KCNH4: variants seen among roughly 807,000 people sequenced by gnomAD.
KCNH4 encodes voltage-gated delayed rectifier potassium channel KCNH4.
In KCNH4, 33 loss-of-function variants were observed where a neutral mutation model predicts 90.7. The ratio of observed to expected loss-of-function variants is 0.36; its 90% CI spans 0.28 to 0.49. The LOEUF is 0.49. KCNH4 is among the 20% of genes least tolerant of loss of function. The probability of loss-of-function intolerance (pLI) is 0.98; values close to 1 mark genes in which losing one functional copy is unlikely to be tolerated. For missense variants in KCNH4, 1,044 were observed against 1,387.1 expected (o/e 0.75, Z 3.93); for synonymous variants, 551 against 581.7 (o/e 0.95, Z 0.76).
At chr17:42,164,635 T>G (rs946899315) in intron 11 of KCNH4, among the ~76,000 whole-genome samples, 4 of 150,600 alleles carry the variant, frequency 2.7e-5, no homozygotes, top group African/African-American at 9.8e-5. Context: ...AAACCCCATC[T>G]CTACTAAAAA....
In KCNH4 at chr17:42,166,373, A is replaced by G. The variant is rs751874823; in HGVS notation, c.1764T>C (p.Asp588=). The G allele has an allele frequency of 6.2e-7, 1 of 1,613,826 alleles. No individual in the cohort carries two copies. The highest frequency in any genetic ancestry group is 1.1e-5 in the South Asian group (1 of 91,066). Reference sequence around the variant, plus strand: ...AGACATAGTAATGTGCCTGCAGGGCATCCCCACGGCGCAACAGGTACTCGC... The same window carrying G: ...AGACATAGTAATGTGCCTGCAGGGCGTCCCCACGGCGCAACAGGTACTCGC... ...APGEYLLRRG[D]ALQAHYYVCS... The change falls in exon 10 of 17, where the codon GAT becomes GAC. Residue 588 remains aspartate (D), a synonymous_variant. Transcript: ENST00000264661.
At chr17:42,175,546 G>T (rs746047838) in intron 6 of KCNH4, 33 bp downstream of exon 6, 1 of 1,613,420 alleles carries the variant, frequency 6.2e-7, no homozygotes, top group Non-Finnish European at 8.5e-7. Context: ...AAGTTGGGAG[G>T]TTGGACTGGA....
chr17:42,163,156 C>T lies in KCNH4; in HGVS notation c.2584+72G>A. 4.7e-6 allele frequency: 5 copies of T among 1,056,062 alleles called. No individual in the cohort carries two copies. Among genetic ancestry groups the T allele is most frequent in the Non-Finnish European group, 4.4e-6 (3 of 675,156 alleles). The allele number at this position is 1,056,062 out of a possible 1,614,324, so 65.4% of individuals were successfully genotyped here. A position where few individuals can be genotyped will look rare whatever the true frequency, so the allele number is the denominator to read the frequency against. On this transcript the variant is annotated intron_variant, in intron 14 of 16. Coordinates refer to ENST00000264661, the MANE Select transcript of KCNH4 (RefSeq NM_012285.3). The surrounding 1 kb of genome is among the most constrained non-coding windows in gnomAD (Gnocchi z 5.4). ...GCACCTGGCACATGGTAGGCCCCTA[C>T]TACATATGGGATGGATGGACAGGTG...
At chr17:42,178,710 A>C in intron 2 of KCNH4, 83 bp downstream of exon 2, 1 of 1,292,154 alleles carries the variant, frequency 7.7e-7, no homozygotes, top group Non-Finnish European at 1.1e-6. Context: ...GGGGACAAGC[A>C]CTCAGACTCC....
Position 42,180,983 on chromosome 17 carries a change from G to A in KCNH4, c.-38C>T. The A allele has an allele frequency of 6.3e-7, 1 of 1,587,460 alleles. No homozygotes were observed. Among genetic ancestry groups the A allele is most frequent in the South Asian group, 1.1e-5 (1 of 89,596 alleles). On this transcript the variant is annotated 5_prime_UTR_variant, in exon 1 of 17. Coordinates refer to ENST00000264661, the MANE Select transcript of KCNH4 (RefSeq NM_012285.3). This position sits in a 1 kb window ranked among gnomAD's most constrained non-coding sequence, Gnocchi z 4.7. ...TGGGTTCAAGGCGCGGCGCTGGGGAGCTTTCAGCGCGGCCGGGCCGGAGGG... is the reference window on the plus strand; with the variant it reads ...TGGGTTCAAGGCGCGGCGCTGGGGAACTTTCAGCGCGGCCGGGCCGGAGGG...
intron 7 of KCNH4, among the ~76,000 whole-genome samples, chr17:42,171,550 A>G (rs1249862995): frequency 6.6e-6 from 1 of 151,946 alleles, no homozygotes; most frequent in Non-Finnish European, 1.5e-5. Context: ...TTGTACTTTG[A>G]TCACTATCAC....
intron 11 of KCNH4, 49 bp downstream of exon 11, chr17:42,165,400 T>A: frequency 3.1e-6 from 5 of 1,603,636 alleles, no homozygotes; most frequent in Non-Finnish European, 4.3e-6. Context: ...GAGGTCTGCT[T>A]TGGAGGAAGG....
chr17:42,163,944 G>A lies in KCNH4; in HGVS notation c.2139C>T (p.Ser713=), dbSNP rs909554889. 1.3e-6 allele frequency: 2 copies of A among 1,541,312 alleles called. No homozygotes were observed. The highest frequency in any genetic ancestry group is 1.7e-6 in the Non-Finnish European group (2 of 1,143,976). ...SPRLSQPRSE[S]LGSSSDKTLP... is the part of the protein sequence containing the mutation. Reference sequence around the variant, plus strand: ...GCGTCTTGTCTGAGGAGGAGCCGAGGCTTTCTGAGCGGGGCTGCGGGCAGA... The same window carrying A: ...GCGTCTTGTCTGAGGAGGAGCCGAGACTTTCTGAGCGGGGCTGCGGGCAGA... The change falls in exon 13 of 17, where the codon AGC becomes AGT. Residue 713 remains serine, a synonymous_variant. Coordinates refer to ENST00000264661, the MANE Select transcript of KCNH4 (RefSeq NM_012285.3). The surrounding 1 kb of genome is among the most constrained non-coding windows in gnomAD (Gnocchi z 5.4).
intron 10 of KCNH4, 99 bp from the exon 11 acceptor site, chr17:42,165,792 A>G (rs903807481): frequency 2.1e-6 from 3 of 1,442,582 alleles, no homozygotes; most frequent in African/African-American, 1.4e-5. Flanking sequence ...AGTGTGTTTG[A>G]AGGATGGTTG....
At position 42,163,231 on chromosome 17, in the gene KCNH4, T is replaced by A. The variant is rs2079760820; in HGVS notation, c.2581A>T (p.Thr861Ser). 6.2e-7 allele frequency: 1 copy of A among 1,610,918 alleles called. No homozygotes were observed. The highest frequency in any genetic ancestry group is 8.5e-7 in the Non-Finnish European group (1 of 1,177,158). Residue 861 changes from threonine (T) to serine (S), a missense_variant, in exon 14 of 17, where the codon ACA (threonine) becomes TCA (serine). Physicochemically the swap from Thr to Ser is moderately conservative, Grantham distance 58. Coordinates refer to ENST00000264661, the MANE Select transcript of KCNH4 (RefSeq NM_012285.3). This position sits in a 1 kb window ranked among gnomAD's most constrained non-coding sequence, Gnocchi z 5.4. ...LPRPRSQAPPTGTRPSPELAS... is the reference protein window; with the variant it reads ...LPRPRSQAPPSGTRPSPELAS... ...GAAGTCCACTGTTGGCCCTTACCTG[T>A]AGGGGGCGCCTGGGAGCGGGGCCTT...
Position 42,163,565 on chromosome 17 carries a change from C to T in KCNH4, c.2477+41G>A, listed in dbSNP as rs1287110911. On this transcript the variant is annotated intron_variant, in intron 13 of 16. Transcript: ENST00000264661. This position sits in a 1 kb window ranked among gnomAD's most constrained non-coding sequence, Gnocchi z 5.4. ...AGAGCCCAGAGAAGGTTCTGGAAGC[C>T]AATAGGGGTTTTGGGAAAGCAGGGG... 3 of 962,770 alleles carry T rather than the reference C, an allele frequency of 3.1e-6. No homozygotes were observed. Among genetic ancestry groups the T allele is most frequent in the Non-Finnish European group, 4.7e-6 (3 of 634,496 alleles). 59.6% of individuals were successfully genotyped at this position (962,770 alleles called of 1,614,324 possible).
intron 6 of KCNH4, among the ~76,000 whole-genome samples, chr17:42,173,478 C>T (rs987595986): frequency 9.9e-5 from 15 of 152,084 alleles, no homozygotes; most frequent in African/African-American, 3.6e-4. Context: ...TGGGGATACT[C>T]CTGTCATTCT....
chr17:42,177,990 AAGCCAAGGAGGG>A (rs1437076732), intron 4 of KCNH4, 98 bp downstream of exon 4: 2 of 1,427,860 alleles, frequency 1.4e-6, no homozygotes, highest in East Asian at 4.6e-5. Context: ...GCAGAGGAGC[AAGCCAAGGAGGG>A]ACACCAGACA....
rs2079895680 is a variant in KCNH4 at position 42,180,737 on chromosome 17, T to G, written c.76+133A>C. 1.1e-6 allele frequency: 1 copy of G among 893,484 alleles called. No individual in the cohort carries two copies. The highest frequency in any genetic ancestry group is 1.5e-5 in the South Asian group (1 of 65,116). 55.3% of individuals were successfully genotyped at this position (893,484 alleles called of 1,614,324 possible). On this transcript the variant is annotated intron_variant, in intron 1 of 16. Coordinates refer to ENST00000264661, the MANE Select transcript of KCNH4 (RefSeq NM_012285.3). The surrounding 1 kb of genome is among the most constrained non-coding windows in gnomAD (Gnocchi z 4.7). ...CCGCCCTGTTCCTGCACCGCGGCTT[T>G]GGGAGTTCCTAGACCCGCACCTCCA...
At position 42,176,205 on chromosome 17, in the gene KCNH4, C is replaced by T. The variant is rs1473443146; in HGVS notation, c.678G>A (p.Lys226=). Residue 226 remains lysine, a synonymous_variant, in exon 5 of 17, where the codon AAG becomes AAA. Transcript: ENST00000264661. ...RCLLLHYSVS[K]AIWDGLILLA... is the part of the protein sequence containing the mutation. ...GGAGGATAAGGCCGTCCCAGATGGCCTTGGAGACGCTGTAGTGGAGGAGGA... is the reference window on the plus strand; with the variant it reads ...GGAGGATAAGGCCGTCCCAGATGGCTTTGGAGACGCTGTAGTGGAGGAGGA... The T allele has an allele frequency of 5.6e-6, 9 of 1,613,784 alleles. No individual in the cohort carries two copies. The South Asian group carries it at 9.9e-5, about 18-fold the overall frequency.
chr17:42,161,100 T>C (rs866507660), intron 15 of KCNH4, among the ~76,000 whole-genome samples: 1 of 151,752 alleles, frequency 6.6e-6, no homozygotes, highest in African/African-American at 2.4e-5. Flanking sequence ...CTAATTTTTT[T>C]CGTATTCTTA....
Position 42,178,961 on chromosome 17 carries a change from C to T in KCNH4, c.142G>A (p.Gly48Ser), listed in dbSNP as rs776203060. The change falls in exon 2 of 17, where the codon GGC becomes AGC. Residue 48 changes from glycine to serine, a missense_variant. Coordinates refer to ENST00000264661, the MANE Select transcript of KCNH4 (RefSeq NM_012285.3). ...RGFPIVYCSDGFCELTGYGRT... is the reference protein window; with the variant it reads ...RGFPIVYCSDSFCELTGYGRT... ...CCGTAGCCTGTGAGCTCGCAGAAGC[C>T]GTCGGAGCAGTAGACGATGGGAAAG... 7 of 1,614,202 alleles carry T rather than the reference C, an allele frequency of 4.3e-6. No individual in the cohort carries two copies. Among genetic ancestry groups the T allele is most frequent in the Middle Eastern group, 1.7e-4 (1 of 6,060 alleles).
At chr17:42,175,914 C>T in intron 5 of KCNH4, 140 bp downstream of exon 5, 6 of 1,226,232 alleles carry the variant, frequency 4.9e-6, no homozygotes, top group Non-Finnish European at 5.8e-6. Flanking sequence ...GAGCAGGACA[C>T]ATGGGCCATT....
At chr17:42,169,048 G>C (rs1007988096) in intron 9 of KCNH4, among the ~76,000 whole-genome samples, 1 of 151,590 alleles carries the variant, frequency 6.6e-6, no homozygotes, top group Non-Finnish European at 1.5e-5. Flanking sequence ...TGGGATTACA[G>C]GTGTGAGCCA....
Sources: allele counts gnomAD v4.1 joint callset (sites outside exome capture counted in the v4.1 genomes callset), GRCh38; gene constraint gnomAD v4.1.1; non-coding constraint Gnocchi (gnomAD v3.1); transcripts MANE v1.5; gene names NCBI Gene and HGNC (gene_info 2026-07-23, HGNC 2026-07-21).